The following ZNF345 variants were observed in gnomAD, a reference collection of about 807,000 sequenced individuals.
ZNF345 encodes zinc finger protein HZF10.
For synonymous variants in ZNF345, 166 were observed against 187.9 expected, an observed-to-expected ratio of 0.88 and a Z score of 0.95; for missense variants, 527 against 589.9, an observed-to-expected ratio of 0.89 and a Z score of 1.10.
At chr19:36,886,816 T>C (rs918717828) in intron 3 of ZNF345, among the ~76,000 whole-genome samples, 2 of 148,546 alleles carry the variant, frequency 1.3e-5, no homozygotes, top group South Asian at 2.1e-4. Flanking sequence ...TGAAACCCCG[T>C]CTCTACTAAA....
intron 2 of ZNF345, among the ~76,000 whole-genome samples, chr19:36,857,822 C>T (rs2072454947): frequency 1.3e-5 from 2 of 151,796 alleles, no homozygotes; most frequent in African/African-American, 4.8e-5. Context: ...CTTGTCACCC[C>T]GGCTGGAGTG....
At chr19:36,852,236 G>A (rs1168095452) in intron 2 of ZNF345, among the ~76,000 whole-genome samples, 4 of 146,482 alleles carry the variant, frequency 2.7e-5, no homozygotes, top group African/African-American at 1.0e-4. Flanking sequence ...GGCTACTACA[G>A]GCAGTGTGAC....
chr19:36,877,846 A>G lies in ZNF345; in HGVS notation c.1016A>G (p.Glu339Gly). ...LIQHQRMHTG[E>G]KPYECKECGK... ...CAGCATCAAAGAATGCATACTGGAG[A>G]GAAACCTTATGAATGTAAGGAATGT... is the stretch of plus-strand genomic sequence containing the variant. Residue 339 changes from glutamate (E) to glycine (G), a missense_variant, in exon 3 of 3, where the codon GAG becomes GGG. By Grantham distance (98) the Glu-to-Gly change is moderately conservative. Coordinates refer to ENST00000420450, the MANE Select transcript of ZNF345 (RefSeq NM_001242472.2). 1 of 1,614,072 alleles carries G rather than the reference A, an allele frequency of 6.2e-7. No individual in the cohort carries two copies. Among genetic ancestry groups the G allele is most frequent in the South Asian group, 1.1e-5 (1 of 91,082 alleles).
chr19:36,887,122 C>T (rs1008474308), intron 3 of ZNF345, among the ~76,000 whole-genome samples: 73 of 151,968 alleles, frequency 4.8e-4, no homozygotes, highest in Non-Finnish European at 1.3e-4. Flanking sequence ...GAGCTGAGAC[C>T]GCACCATTGC....
Position 36,876,935 on chromosome 19 carries a change from C to T in ZNF345, c.105C>T (p.Phe35=). ...AACAGGGATCTCAGGAAGGACATTT[C>T]AGTGAAATGATATTTACTCCTGAAG... ...ERKQGSQEGH[F]SEMIFTPEDM... is the part of the protein sequence containing the mutation. Residue 35 remains phenylalanine, a synonymous_variant, in exon 3 of 3, where the codon TTC becomes TTT. Coordinates refer to ENST00000420450, the MANE Select transcript of ZNF345 (RefSeq NM_001242472.2). 6.2e-7 allele frequency: 1 copy of T among 1,614,088 alleles called. No homozygotes were observed. The highest frequency in any genetic ancestry group is 8.5e-7 in the Non-Finnish European group (1 of 1,179,992).
chr19:36,890,108 C>G (rs1338922371), intron 3 of ZNF345: 3 of 152,062 alleles, frequency 2.0e-5, no homozygotes, highest in Non-Finnish European at 4.4e-5. Context: ...TAGTTTTATT[C>G]CACTATGGTC....
At chr19:36,891,401 C>T (rs2146222393) in intron 3 of ZNF345, 1 of 1,312,458 alleles carries the variant, frequency 7.6e-7, no homozygotes, top group Non-Finnish European at 1.0e-6. Flanking sequence ...CATAGGAGAA[C>T]CTTTGATAAT....
At chr19:36,892,732 G>T in intron 3 of ZNF345, 1 of 555,540 alleles carries the variant, frequency 1.8e-6, no homozygotes, top group Non-Finnish European at 3.0e-6. Flanking sequence ...CTTAAGCCTT[G>T]GTGAATACAC....
chr19:36,872,928 G>C (rs2072800067), intron 2 of ZNF345, among the ~76,000 whole-genome samples: 1 of 149,166 alleles, frequency 6.7e-6, no homozygotes, highest in African/African-American at 2.4e-5. Flanking sequence ...TTTTTAAATG[G>C]TGATTTTCAG....
Position 36,868,291 on chromosome 19 carries a change from C to T in ZNF345, c.-46-8494C>T, listed in dbSNP as rs765002323. ...TGCTGGGATTACAGGCGTGAGCCAC[C>T]GCGCCCGGCCTTGAGTTCACATTTT... On this transcript the variant is annotated intron_variant, in intron 2 of 2. Coordinates refer to ENST00000420450, the MANE Select transcript of ZNF345 (RefSeq NM_001242472.2). Among the ~76,000 whole-genome samples, 6 of 152,144 alleles carry T rather than the reference C, an allele frequency of 3.9e-5. No individual in the cohort carries two copies. In the East Asian group the frequency reaches 5.8e-4, roughly 15 times the overall value.
At position 36,877,969 on chromosome 19, in the gene ZNF345, G is replaced by T; in HGVS notation, c.1139G>T (p.Gly380Val). 3.7e-6 allele frequency: 6 copies of T among 1,613,824 alleles called. No individual in the cohort carries two copies. The highest frequency in any genetic ancestry group is 5.1e-6 in the Non-Finnish European group (6 of 1,179,858). The change falls in exon 3 of 3, where the codon GGT becomes GTT. Residue 380 changes from glycine (G) to valine (V), a missense_variant. Gly to Val is a moderately radical substitution (Grantham distance 109, BLOSUM62 -3). Coordinates refer to ENST00000420450, the MANE Select transcript of ZNF345 (RefSeq NM_001242472.2). ...TGTAAGGAATGTGGGAAGGCCTTTG[G>T]TAGTGGCTCAAAACTTATCCAACAC... ...YECKECGKAF[G>V]SGSKLIQHQL...
Position 36,892,875 on chromosome 19 carries a change from G to A in ZNF345, c.104G>A (p.Trp35Ter). ...TGTGTCTCCTCGTCGTACAGCTTGT[G>A]GAGCTCCGACTGCAAGGCCATCAGC... The change falls in exon 4 of 4, where the codon TGG becomes TAG. Residue 35 changes from tryptophan (W) to a stop codon, truncating the protein, a stop_gained. Transcript: ENST00000526123. LOFTEE classifies it high-confidence loss of function. The A allele has an allele frequency of 8.6e-7, 1 of 1,156,910 alleles. No homozygotes were observed. The highest frequency in any genetic ancestry group is 1.1e-6 in the Non-Finnish European group (1 of 912,246). 71.7% of individuals were successfully genotyped at this position (1,156,910 alleles called of 1,614,324 possible).
At chr19:36,871,883 T>C (rs2072777877) in intron 2 of ZNF345, among the ~76,000 whole-genome samples, 1 of 152,170 alleles carries the variant, frequency 6.6e-6, no homozygotes, top group South Asian at 2.1e-4. Flanking sequence ...TTCTCCTGCC[T>C]CAGCCTCCCT....
chr19:36,852,372 G>T (rs767494423), intron 2 of ZNF345, among the ~76,000 whole-genome samples: 2 of 151,816 alleles, frequency 1.3e-5, no homozygotes, highest in East Asian at 1.9e-4. Flanking sequence ...CAGCACTTTG[G>T]GGGGCCAAGG....
intron 2 of ZNF345, among the ~76,000 whole-genome samples, chr19:36,871,350 T>C (rs1434846938): frequency 1.3e-5 from 2 of 152,214 alleles, no homozygotes; most frequent in Non-Finnish European, 2.9e-5. Flanking sequence ...ATTCAGACTC[T>C]ATCATCCATC....
chr19:36,878,175 A>G lies in ZNF345; in HGVS notation c.1345A>G (p.Thr449Ala), dbSNP rs2146208702. Residue 449 changes from threonine to alanine, a missense_variant, in exon 3 of 3, where the codon ACA (threonine) becomes GCA (alanine). Coordinates refer to ENST00000420450, the MANE Select transcript of ZNF345 (RefSeq NM_001242472.2). Reference sequence around the variant, plus strand: ...CCTTACTCAGCATCAGAGAATTCATACAGGTGAGAAACTTTATGAATGTAA... The same window carrying G: ...CCTTACTCAGCATCAGAGAATTCATGCAGGTGAGAAACTTTATGAATGTAA... ...SSLTQHQRIH[T>A]GEKLYECKNC... The G allele has an allele frequency of 6.2e-7, 1 of 1,614,212 alleles. No individual in the cohort carries two copies. The highest frequency in any genetic ancestry group is 1.1e-5 in the South Asian group (1 of 91,086).
At chr19:36,881,270 C>G (rs927223362), downstream of ZNF345, among the ~76,000 whole-genome samples, 1 of 152,162 alleles carries the variant, frequency 6.6e-6, no homozygotes, top group Non-Finnish European at 1.5e-5. Flanking sequence ...AGTATGCTCA[C>G]CTGGTAAATA....
At chr19:36,861,782 G>A (rs776069187) in intron 2 of ZNF345, among the ~76,000 whole-genome samples, 2 of 151,104 alleles carry the variant, frequency 1.3e-5, no homozygotes, top group African/African-American at 2.4e-5. Flanking sequence ...GGATGGTCTT[G>A]ATCTCTTGAG....
chr19:36,851,468 G>A (rs1383440404), intron 1 of ZNF345: 3 of 152,492 alleles, frequency 2.0e-5, no homozygotes, highest in African/African-American at 7.2e-5. Flanking sequence ...CCCGTGGTGT[G>A]TATGAGTGTG....
Sources: gnomAD v4.1 joint callset for allele counts (sites outside exome capture counted in the v4.1 genomes callset) on GRCh38, gnomAD v4.1.1 for gene constraint, MANE v1.5 for transcripts, NCBI Gene and HGNC (gene_info 2026-07-23, HGNC 2026-07-21) for gene names.